Variants in NRXN3 observed in about 807,000 individuals in gnomAD.
The protein encoded by NRXN3 is neurexin III.
NRXN3 carries 32 observed loss-of-function variants against 137.6 expected under a neutral mutation model. The ratio of observed to expected loss-of-function variants is 0.23; its 90% CI spans 0.18 to 0.31. NRXN3 has a LOEUF of 0.31. NRXN3 is among the 10% of genes least tolerant of loss of function. NRXN3 has a pLI of 1.00. For synonymous variants in NRXN3, 798 were observed against 784.5 expected (o/e 1.02, Z -0.29); for missense variants, 1,574 against 2,062.5 (o/e 0.76, Z 4.59).
At chr14:79,363,429 C>T (rs2093759156) in intron 15 of NRXN3, among the ~76,000 whole-genome samples, 1 of 152,184 alleles carries the variant, frequency 6.6e-6, no homozygotes, top group African/African-American at 2.4e-5. Context: ...CCGCATCCTT[C>T]TTCCAGCTCA....
At chr14:79,243,838 A>T (rs1481419785) in intron 15 of NRXN3, among the ~76,000 whole-genome samples, 1 of 152,156 alleles carries the variant, frequency 6.6e-6, no homozygotes, top group Non-Finnish European at 1.5e-5. Context: ...ATTGATGGAA[A>T]TGTCATTATG....
At chr14:79,133,668 G>C (rs967341671) in intron 15 of NRXN3, among the ~76,000 whole-genome samples, 3 of 152,138 alleles carry the variant, frequency 2.0e-5, no homozygotes, top group African/African-American at 7.2e-5. Context: ...GCTCATGCCT[G>C]TAATCCCAGC....
chr14:78,733,637 G>T lies in NRXN3; in HGVS notation c.2044+18498G>T, dbSNP rs143553423. On this transcript the variant is annotated intron_variant, in intron 8 of 20. Coordinates refer to ENST00000335750, the MANE Select transcript of NRXN3 (RefSeq NM_001330195.2). ...CTGGCCAGAATTTTGTCAGGAGCTTGTTGCTCTAAGTCAACTATATTGCAT... is the reference window on the plus strand; with the variant it reads ...CTGGCCAGAATTTTGTCAGGAGCTTTTTGCTCTAAGTCAACTATATTGCAT... 4.7e-3 allele frequency among the ~76,000 whole-genome samples: 715 copies of T among 152,224 alleles called. 11 individuals carry two copies. Among genetic ancestry groups the T allele is most frequent in the African/African-American group, 0.016 (685 of 41,544 alleles).
At chr14:79,795,549 T>C (rs963396320) in intron 19 of NRXN3, among the ~76,000 whole-genome samples, 1 of 152,156 alleles carries the variant, frequency 6.6e-6, no homozygotes, top group Non-Finnish European at 1.5e-5. Context: ...AAATTGACTC[T>C]CATTTTTCCT....
chr14:78,458,315 C>A (rs2110423), intron 4 of NRXN3, among the ~76,000 whole-genome samples: 134,560 of 152,234 alleles, frequency 0.88, 59,846 homozygotes, highest in East Asian at 0.96. Context: ...TGTCTTCCAA[C>A]AGGGACTCTT....
At chr14:78,598,356 C>A (rs2097175163) in intron 4 of NRXN3, among the ~76,000 whole-genome samples, 2 of 151,666 alleles carry the variant, frequency 1.3e-5, no homozygotes, top group African/African-American at 4.8e-5. Context: ...CAACTCCTGA[C>A]CTGAGATTCT....
rs1168548666 is a variant in NRXN3 at position 78,926,954 on chromosome 14, TATA to T, written c.2276-30284_2276-30282del. On this transcript the variant is annotated intron_variant, in intron 10 of 20. Transcript: ENST00000335750. ...TATATTTATATATATATATAATATA[TATA>T]ATATATATATAATATATAATATATT... 3.7e-5 allele frequency among the ~76,000 whole-genome samples: 2 copies of T among 54,622 alleles called. 1 individual carries two copies. Among genetic ancestry groups the T allele is most frequent in the African/African-American group, 2.2e-4 (2 of 8,940 alleles). 35.8% of individuals were successfully genotyped at this position (54,622 alleles called of 152,430 possible).
intron 15 of NRXN3, among the ~76,000 whole-genome samples, chr14:79,371,541 G>A (rs960842923): frequency 6.6e-6 from 1 of 151,998 alleles, no homozygotes; most frequent in Non-Finnish European, 1.5e-5. Context: ...TTAAAAAATG[G>A]TATTTAAATC....
chr14:78,624,681 A>G (rs1363230750), intron 4 of NRXN3, among the ~76,000 whole-genome samples: 1 of 152,174 alleles, frequency 6.6e-6, no homozygotes, highest in Non-Finnish European at 1.5e-5. Context: ...ATTGGAGAGC[A>G]ATACACAGAC....
chr14:78,281,072 C>T (rs543003708), intron 3 of NRXN3, among the ~76,000 whole-genome samples: 13 of 152,324 alleles, frequency 8.5e-5, no homozygotes, highest in African/African-American at 2.9e-4. Flanking sequence ...GGGCTGATTA[C>T]CAATCTTGTT....
intron 15 of NRXN3, among the ~76,000 whole-genome samples, chr14:79,043,317 A>G (rs2099628039): frequency 1.3e-5 from 2 of 152,196 alleles, no homozygotes; most frequent in South Asian, 2.1e-4. Flanking sequence ...TACTGAAAGT[A>G]TCCACTAGAT....
chr14:79,711,187 G>A (rs1009650262), intron 19 of NRXN3, among the ~76,000 whole-genome samples: 1 of 152,124 alleles, frequency 6.6e-6, no homozygotes, highest in Non-Finnish European at 1.5e-5. Flanking sequence ...CAATGTTTAT[G>A]GCAAATATCT....
At chr14:79,431,890 C>G (rs768235977) in intron 15 of NRXN3, among the ~76,000 whole-genome samples, 48 of 152,124 alleles carry the variant, frequency 3.2e-4, no homozygotes, top group Non-Finnish European at 6.3e-4. Context: ...AATTTCTCTT[C>G]AGTGATCTAG....
intron 16 of NRXN3, among the ~76,000 whole-genome samples, chr14:79,596,427 T>C (rs2097859100): frequency 6.6e-6 from 1 of 152,122 alleles, no homozygotes; most frequent in African/African-American, 2.4e-5. Flanking sequence ...TAATGCCTAG[T>C]ATATAACAGG....
At chr14:78,578,742 T>C (rs2096961848) in intron 4 of NRXN3, among the ~76,000 whole-genome samples, 1 of 152,130 alleles carries the variant, frequency 6.6e-6, no homozygotes, top group Non-Finnish European at 1.5e-5. Context: ...CACTTAGGGC[T>C]GTCTGTGAGA....
chr14:79,722,556 G>A (rs1356716350), intron 19 of NRXN3, among the ~76,000 whole-genome samples: 1 of 151,770 alleles, frequency 6.6e-6, no homozygotes, highest in Non-Finnish European at 1.5e-5. Context: ...ACTCCAATTT[G>A]CCATTTCTTT....
rs756922526 is a variant in NRXN3 at position 78,957,223 on chromosome 14, C to A, written c.2276-19C>A. On this transcript the variant is annotated intron_variant, in intron 10 of 20. Transcript: ENST00000335750. ...CTTTCAGAATTGATTCTAACTTTGG[C>A]ACTTACTACCATCCTTAGGCAAAGG... is the stretch of plus-strand genomic sequence containing the variant. 11 of 1,611,850 alleles carry A rather than the reference C, an allele frequency of 6.8e-6. No homozygotes were observed. The highest frequency in any genetic ancestry group is 5.9e-6 in the Non-Finnish European group (7 of 1,179,014).
intron 10 of NRXN3, among the ~76,000 whole-genome samples, chr14:78,886,629 T>C (rs1353841700): frequency 6.6e-6 from 1 of 152,138 alleles, no homozygotes; most frequent in African/African-American, 2.4e-5. Flanking sequence ...GGAAAAAACA[T>C]TAATATAAAG....
At chr14:78,394,940 A>G (rs2091276278) in intron 4 of NRXN3, among the ~76,000 whole-genome samples, 1 of 151,628 alleles carries the variant, frequency 6.6e-6, no homozygotes, top group Non-Finnish European at 1.5e-5. Context: ...TCTGATATTG[A>G]CAATTTGTGT....
Sources: gnomAD v4.1 joint callset for allele counts (sites outside exome capture counted in the v4.1 genomes callset) on GRCh38, gnomAD v4.1.1 for gene constraint, MANE v1.5 for transcripts, NCBI Gene and HGNC (gene_info 2026-07-23, HGNC 2026-07-21) for gene names.